Variants in LSM14A observed in about 807,000 individuals in gnomAD.
The protein encoded by LSM14A is protein LSM14 homolog A.
In LSM14A, 14 loss-of-function variants were observed where a neutral mutation model predicts 52.4. That is an observed-to-expected ratio of 0.27 (90% CI 0.18 to 0.42). The LOEUF (loss-of-function observed/expected upper bound fraction) is 0.42, where lower values mean the gene tolerates loss of function less well. LSM14A is among the 10% of genes least tolerant of loss of function. The pLI is 1.00. For synonymous variants in LSM14A, 185 were observed against 200.3 expected, an observed-to-expected ratio of 0.92 and a Z score of 0.64; for missense variants, 417 against 581.8, an observed-to-expected ratio of 0.72 and a Z score of 2.91.
In LSM14A at chr19:34,196,777, T is replaced by G. The variant is rs1568483008; in HGVS notation, c.415+14T>G. 1.3e-6 allele frequency: 2 copies of G among 1,588,068 alleles called. No individual in the cohort carries two copies. Among genetic ancestry groups the G allele is most frequent in the African/African-American group, 1.4e-5 (1 of 72,952 alleles). On this transcript the variant is annotated intron_variant, in intron 3 of 9. Transcript: ENST00000544216. ...CTGTTGGTGTTGGTATGTTTTCTTT[T>G]TCTTTTCTTTTTTTGTTTTTGTATT...
intron 4 of LSM14A, among the ~76,000 whole-genome samples, chr19:34,212,210 A>G (rs1599708609): frequency 6.6e-6 from 1 of 152,168 alleles, no homozygotes; most frequent in Admixed American, 6.6e-5. Flanking sequence ...GTGTGCGCCT[A>G]TCAGCTTGAG....
intron 4 of LSM14A, among the ~76,000 whole-genome samples, chr19:34,213,653 CATT>C (rs1372823179): frequency 1.3e-5 from 2 of 152,142 alleles, no homozygotes; most frequent in East Asian, 3.8e-4. Flanking sequence ...GTACAGCAAA[CATT>C]ATCAGGACAG....
At chr19:34,216,282 G>A (rs1485487986) in intron 6 of LSM14A, among the ~76,000 whole-genome samples, 1 of 151,498 alleles carries the variant, frequency 6.6e-6, no homozygotes, top group Non-Finnish European at 1.5e-5. Context: ...GCGCAGTGGC[G>A]GGCGCCTGTA....
intron 3 of LSM14A, among the ~76,000 whole-genome samples, chr19:34,197,156 ATCTT>A (rs2070903876): frequency 6.6e-6 from 1 of 152,086 alleles, no homozygotes; most frequent in African/African-American, 2.4e-5. Context: ...CAGTGGCACT[ATCTT>A]GGCTCACTAC....
chr19:34,186,738 G>C (rs1352034384), intron 1 of LSM14A, among the ~76,000 whole-genome samples: 1 of 152,166 alleles, frequency 6.6e-6, no homozygotes, highest in Non-Finnish European at 1.5e-5. Context: ...TCTTGGAGCT[G>C]ATACAGGACT....
chr19:34,192,310 C>CTTTTTTTT (rs1568479681), intron 1 of LSM14A, among the ~76,000 whole-genome samples: 10 of 51,644 alleles, frequency 1.9e-4, no homozygotes, highest in African/African-American at 2.1e-4. Flanking sequence ...AAATAACATT[C>CTTTTTTTT]TTTTTGTTGT....
At position 34,219,436 on chromosome 19, in the gene LSM14A, G is replaced by A. The variant is rs750059689; in HGVS notation, c.827G>A (p.Arg276Gln). Residue 276 changes from arginine (R) to glutamine (Q), a missense_variant, in exon 7 of 10, where the codon CGG becomes CAG. Physicochemically the swap from Arg to Gln is conservative, Grantham distance 43 (BLOSUM62 1). Around this residue, in one of 2 missense-constraint regions of LSM14A, gnomAD observed 357 missense variants for 457.0 expected, o/e 0.78. Coordinates refer to ENST00000544216, the MANE Select transcript of LSM14A (RefSeq NM_015578.4). Reference sequence around the variant, plus strand: ...CCAAGGAGAGGGCGTGGGGGTCATCGGGGTGGCAGGGGAAGATTTGGTATT... The same window carrying A: ...CCAAGGAGAGGGCGTGGGGGTCATCAGGGTGGCAGGGGAAGATTTGGTATT... Reference protein sequence around the residue: ...SAPRRGRGGHRGGRGRFGIRR... With the variant: ...SAPRRGRGGHQGGRGRFGIRR... The A allele has an allele frequency of 4.3e-6, 7 of 1,613,908 alleles. No homozygotes were observed. The highest frequency in any genetic ancestry group is 1.7e-4 in the Middle Eastern group (1 of 6,050).
chr19:34,201,728 G>A (rs1452666679), intron 3 of LSM14A, among the ~76,000 whole-genome samples: 1 of 152,176 alleles, frequency 6.6e-6, no homozygotes. Flanking sequence ...ATTTTAAAAG[G>A]AAATTTAAAT....
intron 4 of LSM14A, 139 bp downstream of exon 4, chr19:34,209,190 G>A (rs923156524): frequency 4.9e-6 from 3 of 609,864 alleles, no homozygotes; most frequent in South Asian, 3.2e-5. Context: ...TCTCCAAATC[G>A]CTGTATTGCA....
Position 34,219,735 on chromosome 19 carries a change from G to A in LSM14A, c.994G>A (p.Val332Ile), listed in dbSNP as rs945830505. Reference sequence around the variant, plus strand: ...TAAACTTGAGAAACAGGAGAAGCCTGTAAATGGTGAAGATAAAGGAGACTC... The same window carrying A: ...TAAACTTGAGAAACAGGAGAAGCCTATAAATGGTGAAGATAAAGGAGACTC... ...EDKLEKQEKP[V>I]NGEDKGDSGV... The change falls in exon 8 of 10, where the codon GTA (valine) becomes ATA (isoleucine). Residue 332 changes from valine (V) to isoleucine (I), a missense_variant. Val to Ile is a conservative substitution (Grantham distance 29, BLOSUM62 3). This residue lies in a region of LSM14A where 357 missense variants were observed against 457.0 expected (regional missense o/e 0.78). Coordinates refer to ENST00000544216, the MANE Select transcript of LSM14A (RefSeq NM_015578.4). 6.2e-6 allele frequency: 10 copies of A among 1,612,378 alleles called. No homozygotes were observed. Among genetic ancestry groups the A allele is most frequent in the Non-Finnish European group, 7.6e-6 (9 of 1,179,628 alleles).
chr19:34,206,505 A>G (rs1378117001), intron 3 of LSM14A, among the ~76,000 whole-genome samples: 1 of 151,670 alleles, frequency 6.6e-6, no homozygotes, highest in Non-Finnish European at 1.5e-5. Context: ...TGTCTCTACT[A>G]AAAATACAAA....
intron 4 of LSM14A, among the ~76,000 whole-genome samples, chr19:34,212,190 T>G (rs1421685172): frequency 1.3e-5 from 2 of 152,118 alleles, no homozygotes; most frequent in Non-Finnish European, 2.9e-5. Context: ...AAAAATTAGT[T>G]GGGCGTGATG....
chr19:34,192,319 GTTTTT>G (rs71165632), intron 1 of LSM14A, among the ~76,000 whole-genome samples: 9 of 53,412 alleles, frequency 1.7e-4, no homozygotes, highest in African/African-American at 5.7e-4. Context: ...TCTTTTTGTT[GTTTTT>G]TTTTTTTTTT....
chr19:34,207,103 T>C (rs1010291954), intron 3 of LSM14A, among the ~76,000 whole-genome samples: 1 of 152,190 alleles, frequency 6.6e-6, no homozygotes, highest in Non-Finnish European at 1.5e-5. Flanking sequence ...TGGCTTAAAC[T>C]ATAAATTAAA....
intron 3 of LSM14A, among the ~76,000 whole-genome samples, chr19:34,199,175 A>G (rs1308844165): frequency 3.3e-5 from 5 of 152,056 alleles, no homozygotes; most frequent in African/African-American, 1.2e-4. Context: ...CCCAGGCTGG[A>G]GTGCAGTGGC....
At chr19:34,214,930 A>C (rs1198159788) in intron 4 of LSM14A, among the ~76,000 whole-genome samples, 194 bp from the exon 5 acceptor site, 1 of 149,872 alleles carries the variant, frequency 6.7e-6, no homozygotes, top group Non-Finnish European at 1.5e-5. Context: ...AATTATTATT[A>C]TTTTTTATTT....
At chr19:34,215,057 T>A in intron 4 of LSM14A, 67 bp from the exon 5 acceptor site, 1 of 1,345,460 alleles carries the variant, frequency 7.4e-7, no homozygotes, top group Non-Finnish European at 1.0e-6. Context: ...TGGACAATTT[T>A]TTTTAGGGTC....
At chr19:34,196,811 C>A (rs1355024864) in intron 3 of LSM14A, 48 bp downstream of exon 3, 2 of 1,508,022 alleles carry the variant, frequency 1.3e-6, no homozygotes, top group Non-Finnish European at 1.8e-6. Flanking sequence ...TTCTTCCTTT[C>A]TTTACCACAA....
Position 34,216,586 on chromosome 19 carries a change from A to G in LSM14A, c.781+925A>G, listed in dbSNP as rs558604807. Among the ~76,000 whole-genome samples, 351 of 151,812 alleles carry G rather than the reference A, an allele frequency of 2.3e-3. 2 individuals carry two copies. Among genetic ancestry groups the G allele is most frequent in the Middle Eastern group, 6.8e-3 (2 of 294 alleles). On this transcript the variant is annotated intron_variant, in intron 6 of 9. Transcript: ENST00000544216. ...GTAATTCTCCTGCCTCAGCCTCCCT[A>G]GTAGCTGGGATTACAGCCGCGTGCC...
Sources: allele counts gnomAD v4.1 joint callset (sites outside exome capture counted in the v4.1 genomes callset), GRCh38; gene constraint gnomAD v4.1.1; regional missense constraint gnomAD v4.1.1; transcripts MANE v1.5; gene names NCBI Gene and HGNC (gene_info 2026-07-23, HGNC 2026-07-21).